The following ZNF512B variants were observed in gnomAD, a reference collection of about 807,000 sequenced individuals.
ZNF512B encodes the protein zinc finger protein 512B.
Under a neutral mutation model 87.8 loss-of-function variants are expected in ZNF512B, and 22 were observed. The ratio of observed to expected loss-of-function variants is 0.25; its 90% confidence interval spans 0.18 to 0.36. The LOEUF is 0.36. Ranked by LOEUF, ZNF512B falls within the 10% of genes least tolerant of loss-of-function variation. The pLI, the probability that ZNF512B is intolerant of heterozygous loss-of-function variation, is 1.00. For synonymous variants in ZNF512B, 524 were observed against 490.9 expected (o/e 1.07, Z -0.89); for missense variants, 1,060 against 1,231.6 (o/e 0.86, Z 2.09).
At chr20:63,967,079 G>C (rs2058936212) in intron 3 of ZNF512B, 75 bp from the exon 4 acceptor site, 4 of 1,592,134 alleles carry the variant, frequency 2.5e-6, no homozygotes, top group Non-Finnish European at 1.7e-6. Context: ...CAGACTCAGA[G>C]CCCCCCCGGG....
chr20:63,966,047 A>G, intron 5 of ZNF512B, 94 bp downstream of exon 5: 3 of 586,078 alleles, frequency 5.1e-6, no homozygotes, highest in Non-Finnish European at 4.7e-6. Flanking sequence ...GAGCCCCCAT[A>G]CCTTTTCTTA....
chr20:63,969,677 G>C (rs1023554497), intron 1 of ZNF512B, 137 bp downstream of exon 1: 1 of 147,040 alleles, frequency 6.8e-6, no homozygotes, highest in Non-Finnish European at 1.5e-5. Context: ...GCGGGGCGCG[G>C]GGGCTCGGGC....
rs2058875319 is a variant in ZNF512B, at chr20:63,963,184, T to C, written c.1879A>G (p.Ser627Gly). The change falls in exon 12 of 17, where the codon AGC becomes GGC. Residue 627 changes from serine (S) to glycine (G), a missense_variant. Ser to Gly is a moderately conservative substitution (Grantham distance 56). This residue lies in a region of ZNF512B where 165 missense variants were observed against 173.0 expected (regional missense o/e 0.95). Transcript: ENST00000369888. ...RCGKPPCEVD[S>G]PSFPCTHCGK... ...CAGTGGGTGCAGGGGAAGGAGGGGC[T>C]GTCCACCTCGCAGGGCGGCTTCCCG... 1.3e-6 allele frequency: 2 copies of C among 1,547,878 alleles called. No individual in the cohort carries two copies. Among genetic ancestry groups the C allele is most frequent in the Admixed American group, 3.9e-5 (2 of 51,808 alleles).
chr20:63,962,786 A>G lies in ZNF512B; in HGVS notation c.1969-5T>C. On this transcript the variant is annotated splice_region_variant and splice_polypyrimidine_tract_variant and intron_variant, in intron 12 of 16. Transcript: ENST00000369888. Reference sequence around the variant, plus strand: ...GTCTGTGGGCTCCTCAGGGGGCTGGAGGGCAGGAAGGCATGGAGGCTAGAG... The same window carrying G: ...GTCTGTGGGCTCCTCAGGGGGCTGGGGGGCAGGAAGGCATGGAGGCTAGAG... 3 of 1,589,342 alleles carry G rather than the reference A, an allele frequency of 1.9e-6. No individual in the cohort carries two copies. Among genetic ancestry groups the G allele is most frequent in the Non-Finnish European group, 2.6e-6 (3 of 1,167,270 alleles).
At chr20:63,963,495 T>C (rs755474444) in intron 10 of ZNF512B, 55 bp from the exon 11 acceptor site, 57 of 1,551,522 alleles carry the variant, frequency 3.7e-5, no homozygotes, top group Non-Finnish European at 4.5e-5. Context: ...AGCCCTGCCC[T>C]GGCCCCGCCC....
chr20:63,960,310 C>T (rs1178555442), intron 16 of ZNF512B, among the ~76,000 whole-genome samples, 171 bp from the exon 17 acceptor site: 1 of 147,114 alleles, frequency 6.8e-6, no homozygotes, highest in Non-Finnish European at 1.5e-5. Flanking sequence ...GGGCTGAACA[C>T]AGCCTTCGGG....
At chr20:63,968,024 G>GCC (rs902272413) in intron 1 of ZNF512B, 72 bp from the exon 2 acceptor site, 2 of 1,546,414 alleles carry the variant, frequency 1.3e-6, no homozygotes, top group African/African-American at 2.7e-5. Context: ...CTGCCCTGGA[G>GCC]CCCTGCCCTT....
intron 12 of ZNF512B, 28 bp downstream of exon 12, chr20:63,963,067 C>T (rs1430808077): frequency 6.6e-7 from 1 of 1,525,724 alleles, no homozygotes; most frequent in South Asian, 1.2e-5. Flanking sequence ...GGAACAAGCA[C>T]TGTGCCACAG....
intron 2 of ZNF512B, 68 bp from the exon 3 acceptor site, chr20:63,967,591 C>T: frequency 6.6e-7 from 1 of 1,521,508 alleles, no homozygotes; most frequent in Non-Finnish European, 8.8e-7. Flanking sequence ...GCTGCACAGG[C>T]CCACAGTGAG....
intron 14 of ZNF512B, 26 bp downstream of exon 14, chr20:63,962,247 C>G: frequency 6.3e-7 from 1 of 1,586,248 alleles, no homozygotes; most frequent in Non-Finnish European, 8.6e-7. Flanking sequence ...GCTCCCCACG[C>G]CCCCCACCCG....
At position 63,958,135 on chromosome 20, in the gene ZNF512B, CCA is replaced by C. The variant is rs2058800490; in HGVS notation, c.*1751_*1752del. 6.6e-6 allele frequency: 1 copy of C among 152,196 alleles called. No homozygotes were observed. Among genetic ancestry groups the C allele is most frequent in the South Asian group, 2.1e-4 (1 of 4,836 alleles). 9.4% of individuals were successfully genotyped at this position (152,196 alleles called of 1,614,324 possible). On this transcript the variant is annotated 3_prime_UTR_variant, in exon 17 of 17. Transcript: ENST00000369888. ...CAGAGACAGGAAGTGTTCTGCAACC[CCA>C]GTCCCCAAAGTGCTCCTGGAACTTG...
In ZNF512B at chr20:63,959,538, G is replaced by A. The variant is rs80198201; in HGVS notation, c.*350C>T. On this transcript the variant is annotated 3_prime_UTR_variant, in exon 17 of 17. Coordinates refer to ENST00000369888, the MANE Select transcript of ZNF512B (RefSeq NM_020713.3). ...GGGTAGCCAGGGAAGGGACCCGGCA[G>A]GGCCTGAGGAAGCGGAGCCGGGGGG... is the stretch of plus-strand genomic sequence containing the variant. 164 of 296,796 alleles carry A rather than the reference G, an allele frequency of 5.5e-4. 2 individuals carry two copies. The highest frequency in any genetic ancestry group is 4.4e-3 in the East Asian group (75 of 17,160). 18.4% of individuals were successfully genotyped at this position (296,796 alleles called of 1,614,324 possible).
Position 63,966,266 on chromosome 20 carries a change from G to C in ZNF512B, c.909C>G (p.Ser303Arg). ...PVTVSRPIVV[S>R]KPVTVSRPIA... is the part of the protein sequence containing the mutation. ...TGGGCCTGCTGACTGTCACCGGCTTGCTGACCACAATGGGCCTGCTGACTG... is the reference window on the plus strand; with the variant it reads ...TGGGCCTGCTGACTGTCACCGGCTTCCTGACCACAATGGGCCTGCTGACTG... The change falls in exon 5 of 17, where the codon AGC becomes AGG. Residue 303 changes from serine (S) to arginine (R), a missense_variant. Ser to Arg is a moderately radical substitution (Grantham distance 110, BLOSUM62 -1). This residue lies in a region of ZNF512B where 201 missense variants were observed against 226.8 expected (regional missense o/e 0.89). Coordinates refer to ENST00000369888, the MANE Select transcript of ZNF512B (RefSeq NM_020713.3). 1 of 1,613,880 alleles carries C rather than the reference G, an allele frequency of 6.2e-7. No homozygotes were observed.
intron 3 of ZNF512B, 101 bp from the exon 4 acceptor site, chr20:63,967,105 C>T (rs2058936643): frequency 2.6e-6 from 4 of 1,537,234 alleles, no homozygotes; most frequent in South Asian, 1.2e-5. Flanking sequence ...AGGGCACACA[C>T]ACCACATGAG....
intron 1 of ZNF512B, among the ~76,000 whole-genome samples, chr20:63,969,469 G>A (rs962885850): frequency 5.3e-5 from 8 of 151,516 alleles, no homozygotes; most frequent in Admixed American, 3.3e-4. Flanking sequence ...CCTGGCGCGC[G>A]GGTGAGCGCG....
chr20:63,963,599 G>A lies in ZNF512B; in HGVS notation c.1698+19C>T. The A allele has an allele frequency of 6.2e-7, 1 of 1,612,838 alleles. No individual in the cohort carries two copies. Among genetic ancestry groups the A allele is most frequent in the Non-Finnish European group, 8.5e-7 (1 of 1,179,808 alleles). ...AGGTCAGAGGTCACGCTGGACGGGA[G>A]CTGGGGGCCCGACGGTACCTTGGCA... On this transcript the variant is annotated intron_variant, in intron 10 of 16. Coordinates refer to ENST00000369888, the MANE Select transcript of ZNF512B (RefSeq NM_020713.3).
intron 1 of ZNF512B, chr20:63,969,056 G>A (rs974752121): frequency 2.1e-6 from 2 of 939,484 alleles, no homozygotes; most frequent in African/African-American, 1.8e-5. Flanking sequence ...TGAGGTCAGA[G>A]GTCAGGACAG....
rs118145054 is a variant in ZNF512B, at chr20:63,961,091, C to T, written c.2427+218G>A. Among the ~76,000 whole-genome samples, 2,649 of 152,328 alleles carry T rather than the reference C, an allele frequency of 0.017. 38 individuals carry two copies. The highest frequency in any genetic ancestry group is 0.03 in the South Asian group (145 of 4,826). ...CTGGGGGCTGGAAAGGCGGACACCCCGAGGGCAGCTCCAGCTCAGGGTGCA... is the reference window on the plus strand; with the variant it reads ...CTGGGGGCTGGAAAGGCGGACACCCTGAGGGCAGCTCCAGCTCAGGGTGCA... On this transcript the variant is annotated intron_variant, in intron 16 of 16. Transcript: ENST00000369888. The surrounding 1 kb of genome is among the most constrained non-coding windows in gnomAD (Gnocchi z 6.4).
At position 63,964,472 on chromosome 20, in the gene ZNF512B, C is replaced by T. The variant is rs761258803; in HGVS notation, c.1261+18G>A. On this transcript the variant is annotated intron_variant, in intron 6 of 16. Transcript: ENST00000369888. ...GCCGAGCCTGCCCCGGCCGCCACCC[C>T]TGGAGCTCTCATCTTACTGTGCTTT... is the stretch of plus-strand genomic sequence containing the variant. 1.7e-5 allele frequency: 28 copies of T among 1,613,172 alleles called. No individual in the cohort carries two copies. The highest frequency in any genetic ancestry group is 2.3e-5 in the Non-Finnish European group (27 of 1,179,840).
Sources: gnomAD v4.1 joint callset for allele counts (sites outside exome capture counted in the v4.1 genomes callset) on GRCh38, gnomAD v4.1.1 for gene constraint, gnomAD v4.1.1 regional missense constraint, Gnocchi (gnomAD v3.1) non-coding constraint, MANE v1.5 for transcripts, NCBI Gene and HGNC (gene_info 2026-07-23, HGNC 2026-07-21) for gene names.